Variants in DCDC1 observed in about 807,000 individuals in gnomAD.
DCDC1 encodes doublecortin domain containing 1.
Under a neutral mutation model 178.3 loss-of-function variants are expected in DCDC1, and 200 were observed. That is an observed-to-expected ratio of 1.12 (90% confidence interval 1.00 to 1.26). The LOEUF is 1.26. DCDC1 is among the 50% of genes most tolerant of loss of function. The pLI is 0.00. For missense variants in DCDC1, 1,983 were observed against 1,749.2 expected, an observed-to-expected ratio of 1.13 and a Z score of -2.38; for synonymous variants, 690 against 604.8, an observed-to-expected ratio of 1.14 and a Z score of -2.07.
chr11:31,354,883 G>A (rs1177927983), intron 1 of DCDC1, among the ~76,000 whole-genome samples: 1 of 152,076 alleles, frequency 6.6e-6, no homozygotes, highest in Admixed American at 6.6e-5. Flanking sequence ...AAGTCTCTGA[G>A]AGCTGTGAAA....
At chr11:30,888,429 A>G (rs1010340413) in intron 36 of DCDC1, among the ~76,000 whole-genome samples, 1 of 152,224 alleles carries the variant, frequency 6.6e-6, no homozygotes, top group African/African-American at 2.4e-5. Flanking sequence ...CTTTAAAGAC[A>G]GTCTTAGGCT....
At chr11:30,950,374 C>T (rs1179836698) in intron 21 of DCDC1, among the ~76,000 whole-genome samples, 1 of 152,142 alleles carries the variant, frequency 6.6e-6, no homozygotes, top group Non-Finnish European at 1.5e-5. Context: ...GAAACCAATA[C>T]ATCAAAGAAA....
intron 3 of DCDC1, among the ~76,000 whole-genome samples, chr11:31,316,111 A>G (rs1949101267): frequency 1.1e-5 from 1 of 93,256 alleles, no homozygotes; most frequent in South Asian, 3.5e-4. Flanking sequence ...GCCGCAATAA[A>G]CATACGTGTG....
intron 9 of DCDC1, among the ~76,000 whole-genome samples, chr11:31,162,418 A>G (rs1487073290): frequency 6.6e-6 from 1 of 152,150 alleles, no homozygotes; most frequent in Non-Finnish European, 1.5e-5. Context: ...TAAAGCTAAG[A>G]AGACAGCTCA....
intron 20 of DCDC1, among the ~76,000 whole-genome samples, chr11:31,051,688 A>G (rs527673221): frequency 1.3e-5 from 2 of 152,300 alleles, no homozygotes; most frequent in South Asian, 2.1e-4. Flanking sequence ...CTCAAACAAA[A>G]CAGTTATTAG....
chr11:31,364,618 A>AGT (rs1244988274), intron 1 of DCDC1, among the ~76,000 whole-genome samples: 1 of 151,926 alleles, frequency 6.6e-6, no homozygotes, highest in African/African-American at 2.4e-5. Flanking sequence ...CCCGCAAAAA[A>AGT]TATTTACCTC....
intron 9 of DCDC1, among the ~76,000 whole-genome samples, chr11:31,214,661 A>C (rs1022842880): frequency 3.9e-5 from 6 of 152,222 alleles, no homozygotes; most frequent in Admixed American, 2.6e-4. Flanking sequence ...CTGAGGTCTA[A>C]TTTAATGTCA....
intron 21 of DCDC1, among the ~76,000 whole-genome samples, chr11:30,948,352 A>T (rs932424085): frequency 6.6e-6 from 1 of 152,220 alleles, no homozygotes; most frequent in Non-Finnish European, 1.5e-5. Flanking sequence ...AGGAAATAAG[A>T]GAGGACACAA....
In DCDC1 at chr11:30,864,836, T is replaced by A. The variant is rs1437653036; in HGVS notation, c.*537A>T. The A allele has an allele frequency of 6.6e-6, 1 of 152,226 alleles. No homozygotes were observed. Among genetic ancestry groups the A allele is most frequent in the African/African-American group, 2.4e-5 (1 of 41,452 alleles). The allele number at this position is 152,226 out of a possible 1,614,324, so 9.4% of individuals were successfully genotyped here. On this transcript the variant is annotated 3_prime_UTR_variant, in exon 39 of 39. Coordinates refer to ENST00000684477, the MANE Select transcript of DCDC1 (RefSeq NM_001387274.1). Reference sequence around the variant, plus strand: ...CACTGGCATACAAAATGTCTATGGCTAACAATGCTCTCGATTATGGTATGT... The same window carrying A: ...CACTGGCATACAAAATGTCTATGGCAAACAATGCTCTCGATTATGGTATGT...
intron 3 of DCDC1, among the ~76,000 whole-genome samples, chr11:31,311,132 T>C (rs16922076): frequency 0.02 from 3,116 of 152,312 alleles, 95 homozygotes; most frequent in African/African-American, 0.07. Context: ...TCTCTGTCTA[T>C]ATGACTTACG....
At chr11:30,922,421 A>C in intron 24 of DCDC1, 82 bp downstream of exon 24, 1 of 1,397,834 alleles carries the variant, frequency 7.2e-7, no homozygotes, top group Non-Finnish European at 9.3e-7. Context: ...TTGTTTAAAC[A>C]AACTTTGACT....
intron 7 of DCDC1, among the ~76,000 whole-genome samples, chr11:31,278,325 T>C (rs1222650073): frequency 1.3e-5 from 2 of 152,158 alleles, no homozygotes; most frequent in East Asian, 3.8e-4. Flanking sequence ...TGGAATACTA[T>C]TCCTCCTTTA....
chr11:31,006,095 A>G (rs1462365626), intron 20 of DCDC1, among the ~76,000 whole-genome samples: 5 of 152,040 alleles, frequency 3.3e-5, no homozygotes, highest in Non-Finnish European at 4.4e-5. Context: ...ACTCTCAGGC[A>G]TCACTAATAT....
At chr11:30,950,737 T>C (rs776116248) in intron 21 of DCDC1, among the ~76,000 whole-genome samples, 1 of 149,790 alleles carries the variant, frequency 6.7e-6, no homozygotes, top group Non-Finnish European at 1.5e-5. Flanking sequence ...TAAAGGGAGG[T>C]TGTTTAATAG....
intron 9 of DCDC1, among the ~76,000 whole-genome samples, chr11:31,216,479 G>A (rs1973577912): frequency 6.6e-6 from 1 of 152,154 alleles, no homozygotes. Context: ...AAAAGGGGCA[G>A]ATCTACACTG....
intron 24 of DCDC1, among the ~76,000 whole-genome samples, chr11:30,922,081 T>A (rs1398349147): frequency 6.6e-6 from 1 of 152,186 alleles, no homozygotes; most frequent in East Asian, 1.9e-4. Flanking sequence ...GTCATCGACT[T>A]CAGACAGTAG....
intron 8 of DCDC1, among the ~76,000 whole-genome samples, chr11:31,261,912 T>C (rs993784626): frequency 2.0e-5 from 3 of 152,060 alleles, no homozygotes; most frequent in Non-Finnish European, 4.4e-5. Context: ...GTGGTAGAGG[T>C]TGAATTCAGT....
At chr11:31,059,119 A>G (rs562051424) in intron 20 of DCDC1, among the ~76,000 whole-genome samples, 2 of 152,268 alleles carry the variant, frequency 1.3e-5, no homozygotes, top group South Asian at 4.1e-4. Context: ...GCAGCAAACA[A>G]AAACAAAAAA....
chr11:31,271,980 G>A (rs866541429), intron 7 of DCDC1, among the ~76,000 whole-genome samples: 2 of 152,162 alleles, frequency 1.3e-5, no homozygotes, highest in South Asian at 2.1e-4. Context: ...GGCCAACATG[G>A]TTGATTCCCC....
Sources: gnomAD v4.1 joint callset for allele counts (sites outside exome capture counted in the v4.1 genomes callset) on GRCh38, gnomAD v4.1.1 for gene constraint, MANE v1.5 for transcripts, NCBI Gene and HGNC (gene_info 2026-07-23, HGNC 2026-07-21) for gene names.